The following OSBPL1A variants were observed in gnomAD, a reference collection of about 807,000 sequenced individuals.
OSBPL1A encodes oxysterol binding protein like 1A.
A neutral mutation model predicts 137.1 loss-of-function variants in OSBPL1A; 80 were observed. That is an observed-to-expected ratio of 0.58 (90% confidence interval 0.49 to 0.70). The LOEUF (loss-of-function observed/expected upper bound fraction) is 0.70, where lower values mean the gene tolerates loss of function less well. OSBPL1A is among the 30% of genes least tolerant of loss of function. The pLI, the probability that OSBPL1A is intolerant of heterozygous loss-of-function variation, is 0.00. For missense variants in OSBPL1A, 970 were observed against 1,129.4 expected (o/e 0.86, Z 2.02); for synonymous variants, 365 against 389.7 (o/e 0.94, Z 0.75).
chr18:24,170,289 C>G (rs1567915727), intron 24 of OSBPL1A, 38 bp downstream of exon 24: 1 of 1,611,796 alleles, frequency 6.2e-7, no homozygotes. Flanking sequence ...ATTGAAGAAT[C>G]CAGTTATTCC....
intron 14 of OSBPL1A, among the ~76,000 whole-genome samples, chr18:24,297,943 A>G (rs890449867): frequency 6.6e-6 from 1 of 152,222 alleles, no homozygotes; most frequent in African/African-American, 2.4e-5. Flanking sequence ...AATGAGGCTG[A>G]AACCTACTGG....
intron 18 of OSBPL1A, among the ~76,000 whole-genome samples, chr18:24,183,141 G>A (rs561168377): frequency 6.6e-5 from 10 of 152,080 alleles, no homozygotes; most frequent in African/African-American, 2.2e-4. Context: ...CTCCCAAAAG[G>A]CTGCGATTAC....
At chr18:24,198,152 C>T (rs2087094208) in intron 17 of OSBPL1A, among the ~76,000 whole-genome samples, 1 of 152,104 alleles carries the variant, frequency 6.6e-6, no homozygotes, top group Non-Finnish European at 1.5e-5. Context: ...GAGTTATGAG[C>T]TTGAAAGAAG....
intron 17 of OSBPL1A, among the ~76,000 whole-genome samples, chr18:24,208,784 C>T (rs1351873979): frequency 1.3e-5 from 2 of 152,086 alleles, no homozygotes; most frequent in Non-Finnish European, 2.9e-5. Context: ...AACTGTCCCG[C>T]GCACATTTAC....
intron 16 of OSBPL1A, among the ~76,000 whole-genome samples, chr18:24,238,541 T>G (rs1791142542): frequency 6.6e-6 from 1 of 152,128 alleles, no homozygotes; most frequent in East Asian, 1.9e-4. Context: ...ACAGAGAAAC[T>G]CATTTAGTCA....
chr18:24,198,888 C>T (rs1408672179), intron 17 of OSBPL1A, among the ~76,000 whole-genome samples: 1 of 149,286 alleles, frequency 6.7e-6, no homozygotes, highest in Admixed American at 6.8e-5. Context: ...GAGAGAGTCA[C>T]ACTCTGTTAC....
At chr18:24,216,854 C>G (rs1285763168) in intron 17 of OSBPL1A, among the ~76,000 whole-genome samples, 1 of 152,076 alleles carries the variant, frequency 6.6e-6, no homozygotes. Context: ...CCTTACCACT[C>G]AGATTGTTAT....
rs1232432489 is a variant in OSBPL1A, at chr18:24,250,169, TG to T, written c.1282-10788del. 3.4e-4 allele frequency among the ~76,000 whole-genome samples: 19 copies of T among 55,692 alleles called. 1 individual carries two copies. Among genetic ancestry groups the T allele is most frequent in the South Asian group, 7.3e-4 (1 of 1,364 alleles). The allele number at this position is 55,692 out of a possible 152,430, so 36.5% of individuals were successfully genotyped here. The stretch of plus-strand genomic sequence containing the variant: ...GTTTGTGTGTTTTTGTTTGTTTGTT[TG>T]TTTGTTTGTTTGTTTGTTTTTTTTG... On this transcript the variant is annotated intron_variant, in intron 15 of 27. Coordinates refer to ENST00000319481, the MANE Select transcript of OSBPL1A (RefSeq NM_080597.4).
intron 12 of OSBPL1A, among the ~76,000 whole-genome samples, chr18:24,312,730 T>C (rs1001850392): frequency 6.6e-6 from 1 of 152,230 alleles, no homozygotes. Context: ...TTAGATTGTT[T>C]AGGGTTCTTT....
intron 2 of OSBPL1A, among the ~76,000 whole-genome samples, chr18:24,370,072 A>G (rs1051678059): frequency 6.6e-6 from 1 of 152,186 alleles, no homozygotes; most frequent in Non-Finnish European, 1.5e-5. Context: ...GAATTAAAAA[A>G]TTAGCCAGGC....
chr18:24,217,944 A>G (rs1249047663), intron 17 of OSBPL1A, among the ~76,000 whole-genome samples: 1 of 152,214 alleles, frequency 6.6e-6, no homozygotes, highest in Non-Finnish European at 1.5e-5. Flanking sequence ...CCCCAGGAAT[A>G]CAACCAGCAA....
chr18:24,262,261 G>A (rs2089460791), intron 15 of OSBPL1A, among the ~76,000 whole-genome samples: 1 of 152,200 alleles, frequency 6.6e-6, no homozygotes, highest in Non-Finnish European at 1.5e-5. Flanking sequence ...TGTCTGGTAT[G>A]GGAGCCCAAT....
intron 1 of OSBPL1A, among the ~76,000 whole-genome samples, chr18:24,385,070 T>G (rs1906863506): frequency 6.6e-6 from 1 of 151,290 alleles, no homozygotes; most frequent in Admixed American, 6.6e-5. Context: ...TTCTCCTGCC[T>G]CAGCCTCCCA....
intron 1 of OSBPL1A, among the ~76,000 whole-genome samples, chr18:24,388,345 G>A (rs1007822770): frequency 6.6e-6 from 1 of 152,166 alleles, no homozygotes; most frequent in African/African-American, 2.4e-5. Context: ...TAACCGGATG[G>A]ATGGATGGGC....
At chr18:24,274,412 T>A (rs1457669617) in intron 15 of OSBPL1A, among the ~76,000 whole-genome samples, 1 of 151,976 alleles carries the variant, frequency 6.6e-6, no homozygotes, top group Non-Finnish European at 1.5e-5. Flanking sequence ...GATATAAGCA[T>A]ATGTAAATGT....
At chr18:24,383,418 T>A (rs1451974668) in intron 1 of OSBPL1A, among the ~76,000 whole-genome samples, 1 of 152,182 alleles carries the variant, frequency 6.6e-6, no homozygotes, top group Non-Finnish European at 1.5e-5. Flanking sequence ...AAAAAAAGAT[T>A]AAAAAAATTC....
intron 5 of OSBPL1A, among the ~76,000 whole-genome samples, chr18:24,337,375 T>TTAACATAACATAACATAACATAACA (rs71375133): frequency 0.066 from 9,335 of 141,298 alleles, 412 homozygotes; most frequent in African/African-American, 0.083. Flanking sequence ...AAACATAACA[T>TTAACATAACATAACATAACATAACA]TAACATAACA....
chr18:24,239,495 T>C (rs1360327487), intron 15 of OSBPL1A, 113 bp from the exon 16 acceptor site: 13 of 989,704 alleles, frequency 1.3e-5, no homozygotes, highest in Middle Eastern at 2.6e-4. Context: ...ATATCAGAAA[T>C]GAAAACAGTC....
chr18:24,170,621 G>C (rs1034619916), intron 23 of OSBPL1A, 168 bp from the exon 24 acceptor site: 4 of 656,488 alleles, frequency 6.1e-6, no homozygotes, highest in African/African-American at 5.5e-5. Flanking sequence ...CATCGCCATA[G>C]ACTGTTTTGC....
Sources: gnomAD v4.1 joint callset for allele counts (sites outside exome capture counted in the v4.1 genomes callset) on GRCh38, gnomAD v4.1.1 for gene constraint, MANE v1.5 for transcripts, NCBI Gene and HGNC (gene_info 2026-07-23, HGNC 2026-07-21) for gene names.